The following CASP5 variants were observed in gnomAD, a reference collection of about 807,000 sequenced individuals.
The protein encoded by CASP5 is caspase-5.
In CASP5, 42 loss-of-function variants were observed where a neutral mutation model predicts 45.2. The ratio of observed to expected loss-of-function variants is 0.93; its 90% CI spans 0.73 to 1.20. The LOEUF (loss-of-function observed/expected upper bound fraction) is 1.20, where lower values mean the gene tolerates loss of function less well. Among genes scored for constraint, CASP5 ranks in the 50% most tolerant of loss-of-function variants. The pLI is 0.00. For missense variants in CASP5, 512 were observed against 532.2 expected (o/e 0.96, Z 0.37); for synonymous variants, 209 against 186.2 (o/e 1.12, Z -1.00).
intron 1 of CASP5, among the ~76,000 whole-genome samples, chr11:105,021,702 A>C (rs1398332580): frequency 1.4e-5 from 2 of 147,022 alleles, no homozygotes; most frequent in Non-Finnish European, 3.0e-5. Context: ...ACACTTTTAC[A>C]CTGTTGGTGG....
At chr11:104,997,893 C>T (rs1861538160) in intron 7 of CASP5, among the ~76,000 whole-genome samples, 1 of 152,128 alleles carries the variant, frequency 6.6e-6, no homozygotes. Context: ...CGTCGGGCTC[C>T]AAGATTGTTT....
At chr11:105,000,169 G>C in intron 6 of CASP5, 92 bp downstream of exon 6, 1 of 1,285,546 alleles carries the variant, frequency 7.8e-7, no homozygotes, top group Non-Finnish European at 1.1e-6. Flanking sequence ...CACTGGATGG[G>C]GTCTAACATT....
chr11:105,020,258 G>T (rs1179259084), intron 1 of CASP5, among the ~76,000 whole-genome samples: 2 of 151,348 alleles, frequency 1.3e-5, no homozygotes, highest in East Asian at 3.9e-4. Flanking sequence ...AGACAGGGAT[G>T]CCCTCTCTCA....
intron 9 of CASP5, chr11:104,995,137 G>A (rs1441693218): frequency 6.6e-6 from 1 of 152,148 alleles, no homozygotes; most frequent in Admixed American, 6.6e-5. Flanking sequence ...CTCTGTGAAG[G>A]GTCTGTTTCC....
chr11:105,012,161 T>A (rs1048302041), intron 1 of CASP5, among the ~76,000 whole-genome samples: 1 of 151,534 alleles, frequency 6.6e-6, no homozygotes, highest in Non-Finnish European at 1.5e-5. Flanking sequence ...TTTGACAAAG[T>A]TTCAAGAACA....
At chr11:104,999,601 C>T (rs910615422) in intron 6 of CASP5, among the ~76,000 whole-genome samples, 1 of 152,162 alleles carries the variant, frequency 6.6e-6, no homozygotes, top group African/African-American at 2.4e-5. Context: ...GACCCACACA[C>T]ATGCAAACAC....
intron 6 of CASP5, 148 bp from the exon 7 acceptor site, chr11:104,999,176 G>A (rs111671737): frequency 9.3e-6 from 6 of 647,346 alleles, no homozygotes; most frequent in East Asian, 5.9e-5. Context: ...CATGCATTAA[G>A]TATTTGTCTT....
At chr11:105,021,568 A>G (rs983607437) in intron 1 of CASP5, among the ~76,000 whole-genome samples, 5 of 150,522 alleles carry the variant, frequency 3.3e-5, no homozygotes, top group African/African-American at 1.2e-4. Context: ...AGTGCTCACC[A>G]TCACTGGCCA....
chr11:104,998,915 CCTT>C lies in CASP5; in HGVS notation c.1063_1065del (p.Lys355del), dbSNP rs1565380048. The C allele has an allele frequency of 6.2e-7, 1 of 1,613,896 alleles. No individual in the cohort carries two copies. Among genetic ancestry groups the C allele is most frequent in the East Asian group, 2.2e-5 (1 of 44,860 alleles). ...GTTGAAGAACAGAAAGCAATGAAGTCCTTCTCCTCGTGGATCTTGCAAACAGAA... is the reference window on the plus strand; with the variant it reads ...GTTGAAGAACAGAAAGCAATGAAGTCCTCCTCGTGGATCTTGCAAACAGAA... On this transcript the variant is annotated inframe_deletion, in exon 7 of 10. Coordinates refer to ENST00000260315, the MANE Select transcript of CASP5 (RefSeq NM_004347.5).
At chr11:105,020,739 T>A (rs528440950) in intron 1 of CASP5, among the ~76,000 whole-genome samples, 105 of 151,828 alleles carry the variant, frequency 6.9e-4, no homozygotes, top group African/African-American at 2.5e-3. Context: ...CTGCCCAAGA[T>A]AATTTACAGA....
intron 3 of CASP5, among the ~76,000 whole-genome samples, chr11:105,004,455 G>A (rs149275347): frequency 6.6e-6 from 1 of 152,142 alleles, no homozygotes; most frequent in East Asian, 1.9e-4. Flanking sequence ...AAAGAAAAAG[G>A]AATTTATGTA....
chr11:104,996,480 G>A (rs1861475605), intron 8 of CASP5, among the ~76,000 whole-genome samples: 1 of 152,160 alleles, frequency 6.6e-6, no homozygotes, highest in Non-Finnish European at 1.5e-5. Context: ...TTAAACACCA[G>A]TGGTATATCT....
At chr11:104,997,592 T>C (rs1861524550) in intron 7 of CASP5, 100 bp from the exon 8 acceptor site, 1 of 648,258 alleles carries the variant, frequency 1.5e-6, no homozygotes, top group African/African-American at 1.8e-5. Flanking sequence ...TTGATAGATT[T>C]ATGGAAATCC....
rs568782988 is a variant in CASP5 at position 105,006,223 on chromosome 11, G to T, written c.433+860C>A. Among the ~76,000 whole-genome samples the T allele has an allele frequency of 5.1e-4, 78 of 152,288 alleles. 1 individual carries two copies. Among genetic ancestry groups the T allele is most frequent in the African/African-American group, 1.8e-3 (74 of 41,554 alleles). On this transcript the variant is annotated intron_variant, in intron 3 of 9. Coordinates refer to ENST00000260315, the MANE Select transcript of CASP5 (RefSeq NM_004347.5). ...TTTAAACATTTTATAGTAGTTCCCT[G>T]ATCATAATTTTGTAACTCACAGAAA... is the stretch of plus-strand genomic sequence containing the variant.
chr11:105,003,161 C>T, intron 4 of CASP5, 113 bp downstream of exon 4: 2 of 724,678 alleles, frequency 2.8e-6, no homozygotes, highest in South Asian at 1.5e-5. Context: ...GATCACACCA[C>T]AGCACTCCAG....
intron 1 of CASP5, among the ~76,000 whole-genome samples, chr11:105,011,904 T>C (rs1352358710): frequency 1.3e-5 from 2 of 151,696 alleles, no homozygotes; most frequent in African/African-American, 4.8e-5. Flanking sequence ...CTATTAAGCC[T>C]CCAATGGCAT....
At chr11:105,001,429 G>A (rs1311914991) in intron 5 of CASP5, among the ~76,000 whole-genome samples, 1 of 152,222 alleles carries the variant, frequency 6.6e-6, no homozygotes, top group Non-Finnish European at 1.5e-5. Flanking sequence ...CACTTTGGGA[G>A]GCCAAGGCGG....
Position 105,001,963 on chromosome 11 carries a change from T to G in CASP5, c.717+65A>C, listed in dbSNP as rs558684222. On this transcript the variant is annotated intron_variant, in intron 5 of 9. Transcript: ENST00000260315. ...AAACCTTGTTGAACTTCTATAAAGC[T>G]AACTAATTATTAGAAGAATCTGTGT... is the stretch of plus-strand genomic sequence containing the variant. 13 of 1,521,518 alleles carry G rather than the reference T, an allele frequency of 8.5e-6. No individual in the cohort carries two copies. The South Asian group carries it at 1.3e-4, about 15-fold the overall frequency. The allele number at this position is 1,521,518 out of a possible 1,614,324, so 94.3% of individuals were successfully genotyped here. A position where few individuals can be genotyped will look rare whatever the true frequency, so the allele number is the denominator to read the frequency against.
At chr11:105,015,752 C>CAA (rs34623702) in intron 1 of CASP5, among the ~76,000 whole-genome samples, 14,519 of 136,848 alleles carry the variant, frequency 0.11, 960 homozygotes, top group Admixed American at 0.24. Context: ...ATAAAATAGA[C>CAA]AAAAAAAAAA....
Sources: gnomAD v4.1 joint callset for allele counts (sites outside exome capture counted in the v4.1 genomes callset) on GRCh38, gnomAD v4.1.1 for gene constraint, MANE v1.5 for transcripts, NCBI Gene and HGNC (gene_info 2026-07-23, HGNC 2026-07-21) for gene names.